The following CCSER1 variants were observed in gnomAD, a reference collection of about 807,000 sequenced individuals.
The protein encoded by CCSER1 is coiled-coil serine rich protein 1.
A neutral mutation model predicts 82.0 loss-of-function variants in CCSER1; 41 were observed. That is an observed-to-expected ratio of 0.50 (90% confidence interval 0.39 to 0.65). The LOEUF is 0.65. CCSER1 is among the 30% of genes least tolerant of loss of function. The pLI is 0.00. For synonymous variants in CCSER1, 414 were observed against 383.9 expected (o/e 1.08, Z -0.92); for missense variants, 1,119 against 1,064.2 (o/e 1.05, Z -0.72).
intron 7 of CCSER1, among the ~76,000 whole-genome samples, chr4:90,782,681 C>CTTTTTTTTTTTTTTTTTTTTTTT (rs200701722): frequency 8.1e-6 from 1 of 123,978 alleles, no homozygotes; most frequent in Non-Finnish European, 1.7e-5. Flanking sequence ...TCTTTTCTTT[C>CTTTTTTTTTTTTTTTTTTTTTTT]TTTCTTTTTT....
intron 3 of CCSER1, among the ~76,000 whole-genome samples, chr4:90,349,190 G>A (rs895921767): frequency 1.3e-5 from 2 of 151,936 alleles, no homozygotes; most frequent in Non-Finnish European, 2.9e-5. Flanking sequence ...CTAGTTTTAG[G>A]TTATCACTTA....
At chr4:90,377,790 G>C (rs888839168) in intron 3 of CCSER1, among the ~76,000 whole-genome samples, 3 of 151,954 alleles carry the variant, frequency 2.0e-5, no homozygotes, top group Non-Finnish European at 4.4e-5. Context: ...TTTTTACAGG[G>C]ATTAACAAAA....
rs1755312000 is a variant in CCSER1 at position 90,413,894 on chromosome 4, A to C, written c.1603+13765A>C. On this transcript the variant is annotated intron_variant, in intron 4 of 10. Transcript: ENST00000509176. ...AACCCGGGAGGTGGAGCTTGCAGTGAGCCAAGATTGCGCCACTGCACCCCA... is the reference window on the plus strand; with the variant it reads ...AACCCGGGAGGTGGAGCTTGCAGTGCGCCAAGATTGCGCCACTGCACCCCA... Among the ~76,000 whole-genome samples, 3 of 133,000 alleles carry C rather than the reference A, an allele frequency of 2.3e-5. No homozygotes were observed. In the South Asian group the frequency reaches 7.9e-4, roughly 35 times the overall value. 87.3% of individuals were successfully genotyped at this position (133,000 alleles called of 152,430 possible).
At chr4:91,467,567 C>T (rs191608604) in intron 10 of CCSER1, among the ~76,000 whole-genome samples, 1,707 of 152,208 alleles carry the variant, frequency 0.011, 13 homozygotes, top group Middle Eastern at 0.037. Flanking sequence ...AACAGGCAAC[C>T]TACAGAATGG....
At chr4:90,918,424 A>G (rs1727842138) in intron 8 of CCSER1, 1 of 363,752 alleles carries the variant, frequency 2.7e-6, no homozygotes, top group Non-Finnish European at 5.3e-6. Flanking sequence ...AAGCTGGAGT[A>G]AAAGACATTA....
intron 10 of CCSER1, among the ~76,000 whole-genome samples, chr4:91,216,159 G>A (rs1368908815): frequency 2.0e-5 from 3 of 152,062 alleles, no homozygotes; most frequent in Admixed American, 2.0e-4. Flanking sequence ...GATGTAATTT[G>A]TCAGACCTGC....
At chr4:91,397,640 G>T (rs1245156511) in intron 10 of CCSER1, among the ~76,000 whole-genome samples, 1 of 151,962 alleles carries the variant, frequency 6.6e-6, no homozygotes, top group Non-Finnish European at 1.5e-5. Context: ...AGAAAACATT[G>T]TTTGTATGAG....
intron 4 of CCSER1, among the ~76,000 whole-genome samples, chr4:90,422,083 A>G (rs1382516522): frequency 1.3e-5 from 2 of 152,184 alleles, no homozygotes; most frequent in Non-Finnish European, 2.9e-5. Flanking sequence ...TCTAGGGCTC[A>G]TTATCTCAAA....
At chr4:91,356,638 G>T (rs1578254622) in intron 10 of CCSER1, among the ~76,000 whole-genome samples, 1 of 152,170 alleles carries the variant, frequency 6.6e-6, no homozygotes, top group African/African-American at 2.4e-5. Context: ...CCCAGTAAAA[G>T]TCCACCACAA....
chr4:90,877,828 T>A (rs1319984933), intron 8 of CCSER1, among the ~76,000 whole-genome samples: 1 of 152,160 alleles, frequency 6.6e-6, no homozygotes, highest in Admixed American at 6.6e-5. Context: ...TTCTAAGCTT[T>A]GCTCAATTTA....
intron 1 of CCSER1, among the ~76,000 whole-genome samples, chr4:90,157,494 G>A (rs771381014): frequency 3.9e-4 from 60 of 152,128 alleles, no homozygotes; most frequent in African/African-American, 1.2e-3. Flanking sequence ...CATTCTCCCC[G>A]TCACTTTCAG....
At chr4:91,459,824 T>C (rs1273231528) in intron 10 of CCSER1, among the ~76,000 whole-genome samples, 1 of 152,174 alleles carries the variant, frequency 6.6e-6, no homozygotes, top group Non-Finnish European at 1.5e-5. Flanking sequence ...GTTATTCCAG[T>C]TTATAAAATT....
chr4:90,729,597 C>T (rs1039587697), intron 7 of CCSER1, among the ~76,000 whole-genome samples: 10 of 152,016 alleles, frequency 6.6e-5, no homozygotes, highest in African/African-American at 1.2e-4. Context: ...ATATATTGGC[C>T]GGGCGCAGTG....
chr4:90,253,468 C>A (rs570655898), intron 1 of CCSER1, among the ~76,000 whole-genome samples: 17 of 152,196 alleles, frequency 1.1e-4, no homozygotes, highest in African/African-American at 4.1e-4. Context: ...ATATGAAATA[C>A]TTGATTGAGA....
At chr4:90,655,232 T>C (rs1729494782) in intron 6 of CCSER1, among the ~76,000 whole-genome samples, 1 of 152,012 alleles carries the variant, frequency 6.6e-6, no homozygotes, top group Non-Finnish European at 1.5e-5. Flanking sequence ...TTATATATAA[T>C]CATAATAAAG....
At chr4:90,133,620 A>T (rs143605130) in intron 1 of CCSER1, among the ~76,000 whole-genome samples, 5,579 of 152,184 alleles carry the variant, frequency 0.037, 141 homozygotes, top group South Asian at 0.061. Context: ...ATCCTGTATC[A>T]CCTTTATACC....
At chr4:91,474,781 ATTTGTG>A (rs1553942947) in intron 10 of CCSER1, among the ~76,000 whole-genome samples, 1 of 114,874 alleles carries the variant, frequency 8.7e-6, no homozygotes. Context: ...ATATATATAT[ATTTGTG>A]TATATATATA....
intron 5 of CCSER1, among the ~76,000 whole-genome samples, chr4:90,500,139 T>C (rs992494251): frequency 1.3e-5 from 2 of 152,184 alleles, no homozygotes; most frequent in East Asian, 3.8e-4. Flanking sequence ...TTTCCCTTTT[T>C]TTCATGCTAG....
intron 7 of CCSER1, among the ~76,000 whole-genome samples, chr4:90,754,565 A>G (rs1274550781): frequency 6.6e-6 from 1 of 152,134 alleles, no homozygotes; most frequent in Non-Finnish European, 1.5e-5. Flanking sequence ...GTCATTCAAG[A>G]TACAACCTGG....
Sources: allele counts gnomAD v4.1 joint callset (sites outside exome capture counted in the v4.1 genomes callset), GRCh38; gene constraint gnomAD v4.1.1; transcripts MANE v1.5; gene names NCBI Gene and HGNC (gene_info 2026-07-23, HGNC 2026-07-21).